The following PPARGC1A variants were observed in gnomAD, a reference collection of about 807,000 sequenced individuals.
The protein encoded by PPARGC1A is peroxisome proliferator-activated receptor gamma coactivator 1-alpha.
PPARGC1A carries 25 observed loss-of-function variants against 88.7 expected under a neutral mutation model. The ratio of observed to expected loss-of-function variants is 0.28; its 90% CI spans 0.21 to 0.39. The LOEUF (loss-of-function observed/expected upper bound fraction) is 0.39, where lower values mean the gene tolerates loss of function less well. Among genes scored for constraint, PPARGC1A ranks in the 10% least tolerant of loss-of-function variants. PPARGC1A has a pLI of 1.00. For missense variants in PPARGC1A, 880 were observed against 968.7 expected, an observed-to-expected ratio of 0.91 and a Z score of 1.22; for synonymous variants, 363 against 355.6, an observed-to-expected ratio of 1.02 and a Z score of -0.24.
At chr4:24,360,261 A>T in the PPARGC1A span, among the ~76,000 whole-genome samples, 1 of 152,146 alleles carries the variant, frequency 6.6e-6, no homozygotes. Context: ...CTTTAAAAAC[A>T]TATATCAAAT....
the PPARGC1A span, among the ~76,000 whole-genome samples, chr4:24,194,390 T>C: frequency 5.3e-5 from 8 of 152,176 alleles, no homozygotes; most frequent in East Asian, 1.4e-3. Flanking sequence ...CCTTTTTCTA[T>C]ACACCAACTC....
At chr4:23,834,754 T>C (rs941360884) in intron 2 of PPARGC1A, among the ~76,000 whole-genome samples, 8 of 152,188 alleles carry the variant, frequency 5.3e-5, no homozygotes, top group African/African-American at 1.9e-4. Context: ...CCTTATTTTC[T>C]GCCCAGGATC....
chr4:24,054,637 A>C, the PPARGC1A span, among the ~76,000 whole-genome samples: 1 of 152,224 alleles, frequency 6.6e-6, no homozygotes, highest in South Asian at 2.1e-4. Flanking sequence ...CATGGTAAAA[A>C]CATTATCTCA....
At chr4:24,429,295 A>G in the PPARGC1A span, among the ~76,000 whole-genome samples, 2 of 152,032 alleles carry the variant, frequency 1.3e-5, no homozygotes, top group Non-Finnish European at 1.5e-5. Flanking sequence ...ACACACACTC[A>G]CACAGTTTTT....
chr4:23,829,438 T>G (rs765207373), intron 4 of PPARGC1A, 25 bp downstream of exon 4: 1 of 1,607,190 alleles, frequency 6.2e-7, no homozygotes, highest in Non-Finnish European at 8.5e-7. Context: ...ACATCCCCCC[T>G]GTATTAAAAA....
the PPARGC1A span, among the ~76,000 whole-genome samples, chr4:24,423,490 A>G: frequency 6.6e-6 from 1 of 151,494 alleles, no homozygotes; most frequent in Non-Finnish European, 1.5e-5. Context: ...TCTATTTGTA[A>G]TCCAGCTTGG....
the PPARGC1A span, among the ~76,000 whole-genome samples, chr4:24,365,619 G>A: frequency 6.6e-6 from 1 of 152,006 alleles, no homozygotes; most frequent in Admixed American, 6.6e-5. Context: ...AAGCATCACA[G>A]GTGCAGCTGT....
At chr4:23,983,469 T>C in the PPARGC1A span, among the ~76,000 whole-genome samples, 8 of 152,130 alleles carry the variant, frequency 5.3e-5, no homozygotes. Context: ...GGAATTGCTG[T>C]GTGCACCTTC....
the PPARGC1A span, among the ~76,000 whole-genome samples, chr4:24,028,241 GACAAA>G: frequency 3.9e-5 from 6 of 152,116 alleles, no homozygotes; most frequent in Non-Finnish European, 7.4e-5. Context: ...GATTTAAAAT[GACAAA>G]ATAAAACAAT....
chr4:24,447,195 G>C, the PPARGC1A span, among the ~76,000 whole-genome samples: 1 of 152,178 alleles, frequency 6.6e-6, no homozygotes, highest in South Asian at 2.1e-4. Context: ...CCAAGGCTCT[G>C]GAGAAACAGA....
At chr4:23,811,138 C>T (rs1290271085) in intron 10 of PPARGC1A, among the ~76,000 whole-genome samples, 1 of 152,182 alleles carries the variant, frequency 6.6e-6, no homozygotes, top group African/African-American at 2.4e-5. Context: ...TGTTCAGTTA[C>T]TTCTCACTTA....
chr4:24,244,921 T>G, the PPARGC1A span, among the ~76,000 whole-genome samples: 1 of 152,132 alleles, frequency 6.6e-6, no homozygotes. Context: ...CATAACTCCT[T>G]GATATACAGT....
At chr4:24,042,055 C>A in the PPARGC1A span, among the ~76,000 whole-genome samples, 1 of 152,022 alleles carries the variant, frequency 6.6e-6, no homozygotes, top group Non-Finnish European at 1.5e-5. Context: ...TGTTTTCCAC[C>A]AGTCATGGTT....
At chr4:24,294,950 C>T in the PPARGC1A span, among the ~76,000 whole-genome samples, 1 of 152,152 alleles carries the variant, frequency 6.6e-6, no homozygotes, top group African/African-American at 2.4e-5. Context: ...CCTCTGTGGC[C>T]CTCACCAGCA....
At chr4:23,946,530 C>T in the PPARGC1A span, among the ~76,000 whole-genome samples, 1 of 149,566 alleles carries the variant, frequency 6.7e-6, no homozygotes, top group Non-Finnish European at 1.5e-5. Context: ...GCTCAAAGGA[C>T]AGAAAAATTC....
chr4:23,918,446 G>T, the PPARGC1A span, among the ~76,000 whole-genome samples: 18 of 152,150 alleles, frequency 1.2e-4, no homozygotes, highest in African/African-American at 4.3e-4. Flanking sequence ...GGTCTTGAAT[G>T]CCTGACCTCA....
the PPARGC1A span, among the ~76,000 whole-genome samples, chr4:24,208,682 A>AAAAAAAAATAT: frequency 7.4e-6 from 1 of 134,976 alleles, no homozygotes; most frequent in African/African-American, 2.7e-5. Context: ...TCAGAAAAAA[A>AAAAAAAAATAT]ATATATATAT....
chr4:24,401,702 C>T, the PPARGC1A span, among the ~76,000 whole-genome samples: 11 of 151,728 alleles, frequency 7.2e-5, no homozygotes, highest in African/African-American at 2.4e-4. Context: ...CAGATAGAAT[C>T]GCAGCTGTCA....
the PPARGC1A span, among the ~76,000 whole-genome samples, chr4:24,013,008 T>A: frequency 6.6e-6 from 1 of 152,116 alleles, no homozygotes; most frequent in African/African-American, 2.4e-5. Flanking sequence ...ACACATGCAA[T>A]CACACAATTA....
Sources: gnomAD v4.1 joint callset for allele counts (sites outside exome capture counted in the v4.1 genomes callset) on GRCh38, gnomAD v4.1.1 for gene constraint, MANE v1.5 for transcripts, NCBI Gene and HGNC (gene_info 2026-07-23, HGNC 2026-07-21) for gene names.